The following P3H2 variants were observed in gnomAD, a reference collection of about 807,000 sequenced individuals.
P3H2 encodes the protein prolyl 3-hydroxylase 2.
P3H2 carries 80 observed loss-of-function variants against 87.0 expected under a neutral mutation model. The ratio of observed to expected loss-of-function variants is 0.92; its 90% CI spans 0.77 to 1.11. The LOEUF (loss-of-function observed/expected upper bound fraction) is 1.11, where lower values mean the gene tolerates loss of function less well. Among genes scored for constraint, P3H2 ranks in the 50% least tolerant of loss-of-function variants. The pLI, the probability that P3H2 is intolerant of heterozygous loss-of-function variation, is 0.00. For synonymous variants in P3H2, 367 were observed against 359.3 expected (o/e 1.02, Z -0.24); for missense variants, 1,001 against 923.9 (o/e 1.08, Z -1.08).
chr3:190,085,775 A>G (rs1163035040), intron 1 of P3H2, among the ~76,000 whole-genome samples: 1 of 152,194 alleles, frequency 6.6e-6, no homozygotes, highest in Non-Finnish European at 1.5e-5. Context: ...ATTAATATAG[A>G]TCAAAAAATC....
At chr3:190,025,023 A>C (rs1667198383) in intron 1 of P3H2, among the ~76,000 whole-genome samples, 1 of 152,216 alleles carries the variant, frequency 6.6e-6, no homozygotes, top group African/African-American at 2.4e-5. Context: ...CTCTTAAAGG[A>C]ACTATACAAG....
intron 1 of P3H2, among the ~76,000 whole-genome samples, chr3:190,012,848 G>A (rs939019388): frequency 2.6e-5 from 4 of 152,088 alleles, no homozygotes; most frequent in African/African-American, 9.7e-5. Context: ...AAGATTAAGA[G>A]ATTTTGTAAG....
At chr3:190,014,878 C>A (rs534078196) in intron 1 of P3H2, among the ~76,000 whole-genome samples, 1 of 152,118 alleles carries the variant, frequency 6.6e-6, no homozygotes, top group Non-Finnish European at 1.5e-5. Flanking sequence ...ATGTGTAAGA[C>A]CAGACATCAG....
chr3:190,089,012 G>A (rs562254689), intron 1 of P3H2, among the ~76,000 whole-genome samples: 7 of 152,234 alleles, frequency 4.6e-5, no homozygotes, highest in Admixed American at 3.3e-4. Flanking sequence ...AGAAGTCTTC[G>A]CCATGGCCCC....
rs1305551631 is a variant in P3H2 at position 189,994,268 on chromosome 3, C to G, written c.649G>C (p.Gly217Arg). ...AKPHMESYNA[G>R]VKHYEADDFE... ...TCATCAGCCTCATAATGTTTAACTC[C>G]TGCATTGTAACTCTCCTGTAATGAA... Residue 217 changes from glycine to arginine, a missense_variant, in exon 3 of 15, where the codon GGA (glycine) becomes CGA (arginine). Transcript: ENST00000319332. The G allele has an allele frequency of 6.2e-7, 1 of 1,611,620 alleles. No individual in the cohort carries two copies. The highest frequency in any genetic ancestry group is 2.2e-5 in the East Asian group (1 of 44,846).
At chr3:190,099,626 C>T (rs910699673) in intron 1 of P3H2, among the ~76,000 whole-genome samples, 4 of 152,074 alleles carry the variant, frequency 2.6e-5, no homozygotes, top group Non-Finnish European at 5.9e-5. Flanking sequence ...ACAGAACTGA[C>T]CTTTTTTGTG....
intron 1 of P3H2, 103 bp downstream of exon 1, chr3:190,120,149 C>G: frequency 7.3e-7 from 1 of 1,365,044 alleles, no homozygotes. Context: ...TAAGGAGACC[C>G]AATTCGAAAG....
At chr3:190,116,267 C>T (rs541438837) in intron 1 of P3H2, among the ~76,000 whole-genome samples, 1 of 152,258 alleles carries the variant, frequency 6.6e-6, no homozygotes, top group East Asian at 1.9e-4. Context: ...ACTATTTTAA[C>T]TAATAAAAAG....
At chr3:189,969,501 G>A (rs1723106140) in intron 13 of P3H2, 1 of 1,006,718 alleles carries the variant, frequency 9.9e-7, no homozygotes, top group Non-Finnish European at 1.6e-6. Flanking sequence ...AGGGACTGAG[G>A]TCTCATACTG....
At chr3:190,096,585 C>T (rs552925557) in intron 1 of P3H2, among the ~76,000 whole-genome samples, 8 of 152,248 alleles carry the variant, frequency 5.3e-5, no homozygotes, top group Admixed American at 3.3e-4. Flanking sequence ...ACATTCAGAA[C>T]GCTTAAGAAA....
At chr3:190,109,097 T>C (rs1711966996) in intron 1 of P3H2, among the ~76,000 whole-genome samples, 2 of 152,208 alleles carry the variant, frequency 1.3e-5, no homozygotes, top group Admixed American at 1.3e-4. Context: ...GGAAACATCC[T>C]AGTTTTCTTT....
chr3:190,009,265 G>A (rs942617132), intron 1 of P3H2, among the ~76,000 whole-genome samples: 1 of 152,154 alleles, frequency 6.6e-6, no homozygotes, highest in African/African-American at 2.4e-5. Flanking sequence ...ATTTTGGGGA[G>A]AACATGAAAC....
intron 1 of P3H2, among the ~76,000 whole-genome samples, chr3:190,009,150 GAGTACA>G (rs1724487136): frequency 6.6e-6 from 1 of 152,122 alleles, no homozygotes; most frequent in East Asian, 1.9e-4. Context: ...AGTTTTCTAG[GAGTACA>G]AGTGTTGGGA....
At chr3:190,103,025 A>G (rs1439455016) in intron 1 of P3H2, among the ~76,000 whole-genome samples, 12 of 152,238 alleles carry the variant, frequency 7.9e-5, no homozygotes, top group Admixed American at 7.9e-4. Flanking sequence ...TAAGGTATGT[A>G]CATTGTTTTT....
At chr3:190,004,008 T>C (rs1467268373) in intron 1 of P3H2, among the ~76,000 whole-genome samples, 1 of 152,244 alleles carries the variant, frequency 6.6e-6, no homozygotes, top group African/African-American at 2.4e-5. Flanking sequence ...TAGTCATTAC[T>C]TTAACATCTC....
chr3:190,089,783 G>A lies in P3H2; in HGVS notation c.480+30469C>T, dbSNP rs369179111. On this transcript the variant is annotated intron_variant, in intron 1 of 14. Coordinates refer to ENST00000319332, the MANE Select transcript of P3H2 (RefSeq NM_018192.4). Reference sequence around the variant, plus strand: ...AGTCATAATAATATGGGTAGGACAAGATGGGTGTCCAATCTGTGGGGCCTG... The same window carrying A: ...AGTCATAATAATATGGGTAGGACAAAATGGGTGTCCAATCTGTGGGGCCTG... Among the ~76,000 whole-genome samples, 34 of 152,316 alleles carry A rather than the reference G, an allele frequency of 2.2e-4. 2 individuals carry two copies. Among genetic ancestry groups the A allele is most frequent in the Admixed American group, 1.2e-3 (19 of 15,304 alleles).
At chr3:189,973,383 T>A (rs1298930707) in intron 10 of P3H2, among the ~76,000 whole-genome samples, 1 of 152,158 alleles carries the variant, frequency 6.6e-6, no homozygotes, top group Non-Finnish European at 1.5e-5. Context: ...TCAGGAAATG[T>A]AAAGTTTGAT....
At chr3:190,098,384 TAA>T (rs1233586886) in intron 1 of P3H2, among the ~76,000 whole-genome samples, 2 of 152,170 alleles carry the variant, frequency 1.3e-5, no homozygotes, top group African/African-American at 4.8e-5. Flanking sequence ...GCTACAAAAT[TAA>T]AAATTAAGAG....
intron 1 of P3H2, among the ~76,000 whole-genome samples, chr3:190,044,093 C>T (rs1577292686): frequency 6.6e-6 from 1 of 152,090 alleles, no homozygotes; most frequent in East Asian, 1.9e-4. Context: ...TTGCACACCT[C>T]TTAAAATAAA....
Sources: allele counts gnomAD v4.1 joint callset (sites outside exome capture counted in the v4.1 genomes callset), GRCh38; gene constraint gnomAD v4.1.1; transcripts MANE v1.5; gene names NCBI Gene and HGNC (gene_info 2026-07-23, HGNC 2026-07-21).